The following GRIA1 variants were observed in gnomAD, a reference collection of about 807,000 sequenced individuals.
The protein encoded by GRIA1 is glutamate ionotropic receptor AMPA type subunit 1.
Under a neutral mutation model 99.2 loss-of-function variants are expected in GRIA1, and 31 were observed. That is an observed-to-expected ratio of 0.31 (90% CI 0.23 to 0.42). The LOEUF (loss-of-function observed/expected upper bound fraction) is 0.42, where lower values mean the gene tolerates loss of function less well. Ranked by LOEUF, GRIA1 falls within the 10% of genes least tolerant of loss-of-function variation. GRIA1 has a pLI of 1.00. For synonymous variants in GRIA1, 438 were observed against 432.4 expected (o/e 1.01, Z -0.16); for missense variants, 782 against 1,157.5 (o/e 0.68, Z 4.71).
At position 153,749,495 on chromosome 5, in the gene GRIA1, A is replaced by G. The variant is rs142419276; in HGVS notation, c.1824-14939A>G. ...CCACTCACGGAGGAAGGCAAGGGGG[A>G]GCTGGCATGTGCAGATCACATGGAG... On this transcript the variant is annotated intron_variant, in intron 11 of 15. Transcript: ENST00000285900. 2.5e-3 allele frequency among the ~76,000 whole-genome samples: 379 copies of G among 152,190 alleles called. 9 individuals carry two copies. The East Asian group carries it at 0.06, about 24-fold the overall frequency.
intron 11 of GRIA1, among the ~76,000 whole-genome samples, chr5:153,739,142 T>A (rs971677674): frequency 4.0e-5 from 6 of 151,334 alleles, no homozygotes; most frequent in African/African-American, 1.5e-4. Flanking sequence ...ACCACCTTGC[T>A]GCTGCAAACT....
chr5:153,733,146 C>G (rs906149064), intron 11 of GRIA1, among the ~76,000 whole-genome samples: 2 of 150,896 alleles, frequency 1.3e-5, no homozygotes, highest in African/African-American at 4.9e-5. Context: ...GTTGTAGATC[C>G]ATTTATCAAT....
At chr5:153,596,628 G>A (rs1444413561) in intron 2 of GRIA1, among the ~76,000 whole-genome samples, 1 of 152,158 alleles carries the variant, frequency 6.6e-6, no homozygotes, top group African/African-American at 2.4e-5. Flanking sequence ...TGGAGCCCCT[G>A]TTCTGACGCT....
intron 11 of GRIA1, among the ~76,000 whole-genome samples, chr5:153,724,023 G>A (rs903012506): frequency 4.6e-5 from 7 of 152,260 alleles, no homozygotes; most frequent in South Asian, 2.1e-4. Context: ...TACCTCACAC[G>A]GCCGGGTACT....
In GRIA1 at chr5:153,496,393, A is replaced by G. The variant is rs529115473; in HGVS notation, c.220+2328A>G. Reference sequence around the variant, plus strand: ...GTGTTTCTTCAAAGCTATAAACTGAAATAGATATTGGAAATACAGAGATGA... The same window carrying G: ...GTGTTTCTTCAAAGCTATAAACTGAGATAGATATTGGAAATACAGAGATGA... On this transcript the variant is annotated intron_variant, in intron 2 of 15. Transcript: ENST00000285900. 8.0e-4 allele frequency among the ~76,000 whole-genome samples: 122 copies of G among 152,354 alleles called. 1 individual carries two copies. In the South Asian group the frequency reaches 8.5e-3, roughly 11 times the overall value.
chr5:153,601,287 A>C (rs909501700), intron 2 of GRIA1, among the ~76,000 whole-genome samples: 1 of 152,230 alleles, frequency 6.6e-6, no homozygotes, highest in Non-Finnish European at 1.5e-5. Context: ...TAAGTGGTAA[A>C]TATTTAAACC....
chr5:153,765,004 T>G (rs1763420670), intron 12 of GRIA1, among the ~76,000 whole-genome samples: 1 of 152,188 alleles, frequency 6.6e-6, no homozygotes, highest in South Asian at 2.1e-4. Flanking sequence ...TGATGCTCTT[T>G]GTGTCCCCTC....
At chr5:153,652,051 G>T (rs1754613965) in intron 4 of GRIA1, among the ~76,000 whole-genome samples, 1 of 152,110 alleles carries the variant, frequency 6.6e-6, no homozygotes, top group Non-Finnish European at 1.5e-5. Context: ...CAATATATGT[G>T]AAGCACTTAG....
intron 2 of GRIA1, 27 bp downstream of exon 2, chr5:153,494,092 T>C (rs1003887174): frequency 3.1e-6 from 5 of 1,610,764 alleles, no homozygotes; most frequent in Non-Finnish European, 4.2e-6. Context: ...ATTTCTGAGA[T>C]GTCTTTCTGC....
chr5:153,726,776 G>A (rs1020927067), intron 11 of GRIA1, among the ~76,000 whole-genome samples: 1 of 152,192 alleles, frequency 6.6e-6, no homozygotes, highest in Non-Finnish European at 1.5e-5. Flanking sequence ...TCCAGGACCA[G>A]ATGGATTCAC....
chr5:153,658,414 C>T (rs1241750032), intron 5 of GRIA1, among the ~76,000 whole-genome samples: 2 of 152,162 alleles, frequency 1.3e-5, no homozygotes, highest in Non-Finnish European at 2.9e-5. Context: ...TTCTGATCTG[C>T]ATTTTTCTTC....
chr5:153,562,995 G>T (rs1429324004), intron 2 of GRIA1, among the ~76,000 whole-genome samples: 2 of 151,920 alleles, frequency 1.3e-5, no homozygotes, highest in African/African-American at 4.8e-5. Flanking sequence ...GGCCAACATG[G>T]TGAAACCCCG....
At chr5:153,653,991 G>A (rs1754757056) in intron 4 of GRIA1, among the ~76,000 whole-genome samples, 1 of 152,138 alleles carries the variant, frequency 6.6e-6, no homozygotes, top group African/African-American at 2.4e-5. Flanking sequence ...GGTCAGTGAG[G>A]TGATGGACCC....
chr5:153,568,484 G>A (rs1761845778), intron 2 of GRIA1, among the ~76,000 whole-genome samples: 1 of 152,142 alleles, frequency 6.6e-6, no homozygotes, highest in South Asian at 2.1e-4. Flanking sequence ...AAACAGTCGA[G>A]TGATTCAAAT....
At chr5:153,647,405 G>A (rs1481090593) in intron 3 of GRIA1, among the ~76,000 whole-genome samples, 1 of 152,066 alleles carries the variant, frequency 6.6e-6, no homozygotes, top group African/African-American at 2.4e-5. Flanking sequence ...AGCTTTCATG[G>A]CTCCTGAGTC....
At chr5:153,655,742 G>T (rs1581412092) in intron 4 of GRIA1, 77 bp from the exon 5 acceptor site, 4 of 1,224,250 alleles carry the variant, frequency 3.3e-6, no homozygotes, top group Non-Finnish European at 3.6e-6. Context: ...CTCGATATCA[G>T]CTGCCGTTAT....
chr5:153,795,459 T>C, intron 14 of GRIA1: 2 of 1,331,640 alleles, frequency 1.5e-6, no homozygotes, highest in Non-Finnish European at 2.2e-6. Context: ...TTTATGTTAT[T>C]TCCCCCCTGG....
intron 11 of GRIA1, among the ~76,000 whole-genome samples, chr5:153,736,593 A>T (rs1419106845): frequency 6.6e-6 from 1 of 152,174 alleles, no homozygotes; most frequent in African/African-American, 2.4e-5. Flanking sequence ...CTGAACCCAG[A>T]ACTCATTTTA....
At chr5:153,498,987 ATTAC>A (rs1462775960) in intron 2 of GRIA1, among the ~76,000 whole-genome samples, 1 of 152,156 alleles carries the variant, frequency 6.6e-6, no homozygotes, top group Non-Finnish European at 1.5e-5. Flanking sequence ...AATAATATCT[ATTAC>A]TTACCCTGTC....
Sources: allele counts gnomAD v4.1 joint callset (sites outside exome capture counted in the v4.1 genomes callset), GRCh38; gene constraint gnomAD v4.1.1; transcripts MANE v1.5; gene names NCBI Gene and HGNC (gene_info 2026-07-23, HGNC 2026-07-21).